The following KCNT2 variants were observed in gnomAD, a reference collection of about 807,000 sequenced individuals.
The protein encoded by KCNT2 is potassium sodium-activated channel subfamily T member 2.
A neutral mutation model predicts 153.8 loss-of-function variants in KCNT2; 67 were observed. The observed-to-expected ratio is 0.44, with a 90% CI of 0.36 to 0.53. The LOEUF (loss-of-function observed/expected upper bound fraction) is 0.53, where lower values mean the gene tolerates loss of function less well. Among genes scored for constraint, KCNT2 ranks in the 20% least tolerant of loss-of-function variants. The pLI, the probability that KCNT2 is intolerant of heterozygous loss-of-function variation, is 0.00. For missense variants in KCNT2, 975 were observed against 1,354.8 expected (o/e 0.72, Z 4.40); for synonymous variants, 500 against 458.8 (o/e 1.09, Z -1.15).
At chr1:196,567,240 A>C (rs996437751) in intron 1 of KCNT2, among the ~76,000 whole-genome samples, 2 of 152,066 alleles carry the variant, frequency 1.3e-5, no homozygotes, top group African/African-American at 4.8e-5. Flanking sequence ...TAGACTATGT[A>C]GCATTTCTTG....
intron 14 of KCNT2, among the ~76,000 whole-genome samples, chr1:196,370,724 G>C (rs1275698991): frequency 6.6e-6 from 1 of 152,070 alleles, no homozygotes; most frequent in Non-Finnish European, 1.5e-5. Flanking sequence ...GCAAGAAAAT[G>C]AAAGCCTATG....
intron 1 of KCNT2, among the ~76,000 whole-genome samples, chr1:196,553,037 G>A (rs1658155089): frequency 6.6e-6 from 1 of 150,644 alleles, no homozygotes; most frequent in African/African-American, 2.4e-5. Flanking sequence ...ATAAAACAAA[G>A]AACAAAATGG....
At chr1:196,413,562 G>T (rs189336642) in intron 12 of KCNT2, among the ~76,000 whole-genome samples, 7 of 151,560 alleles carry the variant, frequency 4.6e-5, no homozygotes, top group African/African-American at 1.7e-4. Context: ...TGTTACCATC[G>T]TATAAAAAAA....
At chr1:196,490,281 T>C (rs1439911580) in intron 2 of KCNT2, among the ~76,000 whole-genome samples, 1 of 151,590 alleles carries the variant, frequency 6.6e-6, no homozygotes, top group African/African-American at 2.4e-5. Flanking sequence ...CATCCATAAA[T>C]TTTGGGATAA....
intron 10 of KCNT2, 111 bp from the exon 11 acceptor site, chr1:196,426,099 A>G (rs893877279): frequency 1.0e-5 from 8 of 783,830 alleles, no homozygotes; most frequent in Non-Finnish European, 1.6e-5. Flanking sequence ...ACTGAAATGA[A>G]CTTTTGCTAA....
At chr1:196,590,677 T>C (rs1467540310) in intron 1 of KCNT2, among the ~76,000 whole-genome samples, 1 of 152,176 alleles carries the variant, frequency 6.6e-6, no homozygotes, top group Non-Finnish European at 1.5e-5. Context: ...TGATCTACTT[T>C]AAAATTTTAA....
intron 26 of KCNT2, among the ~76,000 whole-genome samples, chr1:196,240,295 G>A (rs894002267): frequency 3.3e-5 from 5 of 151,814 alleles, no homozygotes; most frequent in Admixed American, 6.6e-5. Context: ...ATCTCTCTGC[G>A]ATTAACATCC....
At chr1:196,527,991 T>C (rs1337524201) in intron 1 of KCNT2, among the ~76,000 whole-genome samples, 2 of 152,338 alleles carry the variant, frequency 1.3e-5, no homozygotes, top group East Asian at 3.9e-4. Context: ...AACAGAATAA[T>C]GGTCAGTAAT....
intron 8 of KCNT2, among the ~76,000 whole-genome samples, chr1:196,437,479 A>C (rs1478619834): frequency 6.9e-6 from 1 of 145,478 alleles, no homozygotes; most frequent in Non-Finnish European, 1.5e-5. Context: ...TTATTATCCT[A>C]TATCCCCCGC....
At position 196,608,332 on chromosome 1, in the gene KCNT2, A is replaced by T; in HGVS notation, c.-23T>A. On this transcript the variant is annotated 5_prime_UTR_variant, in exon 1 of 28. The change abolishes an upstream ATG in the 5' untranslated region. Transcript: ENST00000294725. ...CATCCTTCCTCAAAGAGTGGGAAAC[A>T]TCAAACAACAAATGGAGGAGAGGAG... is the stretch of plus-strand genomic sequence containing the variant. 6.4e-7 allele frequency: 1 copy of T among 1,574,272 alleles called. No homozygotes were observed. Among genetic ancestry groups the T allele is most frequent in the Non-Finnish European group, 8.7e-7 (1 of 1,143,650 alleles).
chr1:196,461,390 A>G (rs975010367), intron 8 of KCNT2, among the ~76,000 whole-genome samples: 39 of 151,760 alleles, frequency 2.6e-4, no homozygotes, highest in Non-Finnish European at 7.4e-5. Flanking sequence ...GGAAATTATA[A>G]CATTGAACTA....
At chr1:196,453,827 A>G (rs1242423007) in intron 8 of KCNT2, among the ~76,000 whole-genome samples, 3 of 151,776 alleles carry the variant, frequency 2.0e-5, no homozygotes, top group Non-Finnish European at 4.4e-5. Flanking sequence ...ATCTGTGCCC[A>G]CCCCCAAATG....
chr1:196,373,896 T>C (rs1331878055), intron 13 of KCNT2, among the ~76,000 whole-genome samples: 1 of 151,688 alleles, frequency 6.6e-6, no homozygotes, highest in Non-Finnish European at 1.5e-5. Flanking sequence ...CCAGAAAACA[T>C]AATAAATGGC....
At chr1:196,606,076 C>T (rs1368637861) in intron 1 of KCNT2, among the ~76,000 whole-genome samples, 1 of 152,204 alleles carries the variant, frequency 6.6e-6, no homozygotes, top group South Asian at 2.1e-4. Context: ...TGAGGATTAA[C>T]TAAGAAAGAA....
intron 16 of KCNT2, among the ~76,000 whole-genome samples, chr1:196,334,803 G>C (rs1007005243): frequency 6.6e-6 from 1 of 151,994 alleles, no homozygotes; most frequent in African/African-American, 2.4e-5. Flanking sequence ...GATAATTGTA[G>C]ACAATAATCA....
Position 196,280,898 on chromosome 1 carries a change from T to C in KCNT2, c.2872A>G (p.Ile958Val), listed in dbSNP as rs1238342493. 1.2e-6 allele frequency: 2 copies of C among 1,611,876 alleles called. No individual in the cohort carries two copies. The highest frequency in any genetic ancestry group is 2.2e-5 in the South Asian group (2 of 91,058). ...AGTTTCTGAGACTCAGTCCTGTAGA[T>C]TCCAATGGGAACATCTCCAGTAGAA... Reference protein sequence around the residue: ...CSSTGDVPIGIYRTESQKLTT... With the variant: ...CSSTGDVPIGVYRTESQKLTT... Residue 958 changes from isoleucine (I) to valine (V), a missense_variant, in exon 25 of 28, where the codon ATC becomes GTC. Physicochemically the swap from Ile to Val is conservative, Grantham distance 29. This residue lies in a region of KCNT2 where 241 missense variants were observed against 271.1 expected (regional missense o/e 0.89). Coordinates refer to ENST00000294725, the MANE Select transcript of KCNT2 (RefSeq NM_198503.5).
chr1:196,348,746 C>T (rs1234206250), intron 14 of KCNT2, among the ~76,000 whole-genome samples: 3 of 152,140 alleles, frequency 2.0e-5, no homozygotes, highest in South Asian at 2.1e-4. Context: ...AGAATCCCGG[C>T]CAGGCACGGT....
At chr1:196,470,972 C>A (rs944319007) in intron 5 of KCNT2, among the ~76,000 whole-genome samples, 3 of 149,544 alleles carry the variant, frequency 2.0e-5, no homozygotes, top group African/African-American at 7.4e-5. Flanking sequence ...CTCCGCCTCC[C>A]TGGGTTCATG....
intron 11 of KCNT2, among the ~76,000 whole-genome samples, chr1:196,424,657 C>T (rs974208193): frequency 2.0e-4 from 31 of 151,546 alleles, no homozygotes; most frequent in African/African-American, 6.8e-4. Context: ...TTATATCCTG[C>T]TAGTTTCTCG....
Sources: allele counts gnomAD v4.1 joint callset (sites outside exome capture counted in the v4.1 genomes callset), GRCh38; gene constraint gnomAD v4.1.1; regional missense constraint gnomAD v4.1.1; transcripts MANE v1.5; gene names NCBI Gene and HGNC (gene_info 2026-07-23, HGNC 2026-07-21).